NRXN3: variants seen among roughly 807,000 people sequenced by gnomAD.
NRXN3 encodes neurexin III.
Under a neutral mutation model 137.6 loss-of-function variants are expected in NRXN3, and 32 were observed. That is an observed-to-expected ratio of 0.23 (90% CI 0.18 to 0.31). The LOEUF is 0.31. Ranked by LOEUF, NRXN3 falls within the 10% of genes least tolerant of loss-of-function variation. The pLI, the probability that NRXN3 is intolerant of heterozygous loss-of-function variation, is 1.00. For synonymous variants in NRXN3, 798 were observed against 784.5 expected (o/e 1.02, Z -0.29); for missense variants, 1,574 against 2,062.5 (o/e 0.76, Z 4.59).
chr14:78,185,561 T>G (rs975714839), intron 1 of NRXN3, among the ~76,000 whole-genome samples: 2 of 152,204 alleles, frequency 1.3e-5, no homozygotes, highest in African/African-American at 4.8e-5. Flanking sequence ...GAATCCTAAC[T>G]TAATCTGAAT....
chr14:78,235,696 C>T (rs2066196066), intron 1 of NRXN3, among the ~76,000 whole-genome samples: 1 of 152,110 alleles, frequency 6.6e-6, no homozygotes, highest in South Asian at 2.1e-4. Flanking sequence ...ACTTCAAATG[C>T]TCTTTTCTAT....
chr14:78,799,872 C>T (rs1262189202), intron 8 of NRXN3, among the ~76,000 whole-genome samples: 3 of 152,078 alleles, frequency 2.0e-5, no homozygotes, highest in African/African-American at 4.8e-5. Context: ...ATGGGGGAAA[C>T]TGCCCCCATG....
intron 16 of NRXN3, among the ~76,000 whole-genome samples, chr14:79,529,685 A>G (rs975177451): frequency 6.6e-6 from 1 of 152,252 alleles, no homozygotes; most frequent in African/African-American, 2.4e-5. Flanking sequence ...AGACTTTACT[A>G]GAAAAATAAA....
intron 4 of NRXN3, among the ~76,000 whole-genome samples, chr14:78,462,336 G>T (rs55720563): frequency 0.039 from 5,872 of 152,236 alleles, 229 homozygotes; most frequent in Admixed American, 0.13. Context: ...GTCTCCTAGG[G>T]TGGCTGTCAC....
At chr14:79,339,270 T>C (rs1226010263) in intron 15 of NRXN3, among the ~76,000 whole-genome samples, 1 of 152,240 alleles carries the variant, frequency 6.6e-6, no homozygotes, top group Non-Finnish European at 1.5e-5. Flanking sequence ...GACAAAATCA[T>C]TCTAAGCTGT....
rs58359034 is a variant in NRXN3, at chr14:79,564,169, T to TA, written c.3444+96780dup. Among the ~76,000 whole-genome samples the TA allele has an allele frequency of 1.4e-3, 207 of 143,822 alleles. 1 individual carries two copies. Among genetic ancestry groups the TA allele is most frequent in the South Asian group, 6.6e-3 (30 of 4,524 alleles). 94.4% of individuals were successfully genotyped at this position (143,822 alleles called of 152,430 possible). A position where few individuals can be genotyped will look rare whatever the true frequency, so the allele number is the denominator to read the frequency against. On this transcript the variant is annotated intron_variant, in intron 16 of 20. Transcript: ENST00000335750. Reference sequence around the variant, plus strand: ...AGCATGCCCAGAATCTCAAAAAGATTAAAAAAAAAAAAAGATGTTCCTAGG... The same window carrying TA: ...AGCATGCCCAGAATCTCAAAAAGATTAAAAAAAAAAAAAAGATGTTCCTAGG...
In NRXN3 at chr14:79,239,658, T is replaced by A. The variant is rs542839448; in HGVS notation, c.3263-227563T>A. On this transcript the variant is annotated intron_variant, in intron 15 of 20. Coordinates refer to ENST00000335750, the MANE Select transcript of NRXN3 (RefSeq NM_001330195.2). ...CAGCAATCCCACTACTGGGTATATA[T>A]CCCCAGAGCTTGAAATCAGCGTGTC... is the stretch of plus-strand genomic sequence containing the variant. Among the ~76,000 whole-genome samples the A allele has an allele frequency of 3.9e-5, 6 of 152,208 alleles. No individual in the cohort carries two copies. In the East Asian group the frequency reaches 1.2e-3, roughly 29 times the overall value.
chr14:79,773,037 T>C (rs1206130649), intron 19 of NRXN3, among the ~76,000 whole-genome samples: 2 of 151,962 alleles, frequency 1.3e-5, no homozygotes, highest in East Asian at 3.9e-4. Context: ...ATGCTCACCA[T>C]CACTGGCCAT....
chr14:79,621,195 G>C (rs76623114), intron 16 of NRXN3, among the ~76,000 whole-genome samples: 10,536 of 152,132 alleles, frequency 0.069, 1,221 homozygotes, highest in African/African-American at 0.24. Context: ...CCCAAGGCTA[G>C]GTAAAAGAAA....
intron 4 of NRXN3, among the ~76,000 whole-genome samples, chr14:78,561,279 T>G (rs1434682000): frequency 6.6e-6 from 1 of 152,166 alleles, no homozygotes; most frequent in African/African-American, 2.4e-5. Context: ...TACCTATAAC[T>G]TTGTAGAGAA....
At chr14:79,261,601 C>CTGTG (rs5809932) in intron 15 of NRXN3, among the ~76,000 whole-genome samples, 10,374 of 59,102 alleles carry the variant, frequency 0.18, 1,123 homozygotes, top group Admixed American at 0.26. Flanking sequence ...AAGAAAGGTG[C>CTGTG]TGTGTGTGTG....
At chr14:79,370,081 G>A (rs927742795) in intron 15 of NRXN3, among the ~76,000 whole-genome samples, 7 of 152,152 alleles carry the variant, frequency 4.6e-5, no homozygotes, top group Non-Finnish European at 5.9e-5. Context: ...CATGAAGTAA[G>A]GAAAGTCGGC....
intron 15 of NRXN3, among the ~76,000 whole-genome samples, chr14:79,277,942 G>A (rs1248590335): frequency 1.3e-5 from 2 of 152,168 alleles, no homozygotes; most frequent in Non-Finnish European, 2.9e-5. Flanking sequence ...CATAAATTCT[G>A]AAATGGACTT....
intron 4 of NRXN3, among the ~76,000 whole-genome samples, chr14:78,350,775 A>G (rs1319097106): frequency 1.3e-5 from 2 of 152,158 alleles, no homozygotes; most frequent in African/African-American, 4.8e-5. Context: ...AGTGAGATGG[A>G]GGGAACAATG....
intron 17 of NRXN3, among the ~76,000 whole-genome samples, chr14:79,682,587 AT>A (rs2098675999): frequency 6.6e-6 from 1 of 152,156 alleles, no homozygotes. Flanking sequence ...CAATTCTTTA[AT>A]TATTAACTTT....
At chr14:78,700,124 T>C (rs2152800066) in intron 6 of NRXN3, among the ~76,000 whole-genome samples, 1 of 152,364 alleles carries the variant, frequency 6.6e-6, no homozygotes, top group South Asian at 2.1e-4. Context: ...CAACTTTCTC[T>C]GTGCATGTTG....
At chr14:79,472,391 G>A (rs2096521309) in intron 16 of NRXN3, among the ~76,000 whole-genome samples, 1 of 152,114 alleles carries the variant, frequency 6.6e-6, no homozygotes, top group African/African-American at 2.4e-5. Flanking sequence ...ATCAGAGAGG[G>A]CCAGGAGATA....
intron 10 of NRXN3, among the ~76,000 whole-genome samples, chr14:78,956,511 A>G (rs61995262): frequency 0.035 from 5,350 of 152,068 alleles, 184 homozygotes; most frequent in African/African-American, 0.077. Flanking sequence ...GTGGCACTTT[A>G]TATTAGTCAT....
chr14:78,245,442 G>A (rs2067535180), intron 2 of NRXN3, among the ~76,000 whole-genome samples: 1 of 152,184 alleles, frequency 6.6e-6, no homozygotes, highest in Non-Finnish European at 1.5e-5. Context: ...GGTGGGTGGT[G>A]CCAGGTGGGT....
Sources: gnomAD v4.1 joint callset for allele counts (sites outside exome capture counted in the v4.1 genomes callset) on GRCh38, gnomAD v4.1.1 for gene constraint, MANE v1.5 for transcripts, NCBI Gene and HGNC (gene_info 2026-07-23, HGNC 2026-07-21) for gene names.